The following SRSF1 variants were observed in gnomAD, a reference collection of about 807,000 sequenced individuals.
SRSF1 encodes serine/arginine-rich splicing factor 1.
A neutral mutation model predicts 25.9 loss-of-function variants in SRSF1; 1 was observed. The observed-to-expected ratio is 0.04, with a 90% CI of 0.01 to 0.18. The LOEUF is 0.18. Ranked by LOEUF, SRSF1 falls within the 10% of genes least tolerant of loss-of-function variation. The pLI is 1.00. For synonymous variants in SRSF1, 132 were observed against 126.2 expected, an observed-to-expected ratio of 1.05 and a Z score of -0.31; for missense variants, 65 against 350.5, an observed-to-expected ratio of 0.19 and a Z score of 6.50.
the SRSF1 span, chr17:57,991,156 GC>G: frequency 6.6e-6 from 1 of 152,164 alleles, no homozygotes; most frequent in African/African-American, 2.4e-5. Flanking sequence ...CCTTCAAAGA[GC>G]CCTAAGGTAA....
In SRSF1 at chr17:58,007,230, G is replaced by A. The variant is rs1240290768; in HGVS notation, c.-93C>T. On this transcript the variant is annotated 5_prime_UTR_variant, in exon 1 of 4. Transcript: ENST00000258962. ...CCCGCAGCGGCACCACGTCTCCCGC[G>A]GCCCCTCCAAAATGGCGCCTTTATC... is the stretch of plus-strand genomic sequence containing the variant. The A allele has an allele frequency of 6.1e-6, 9 of 1,474,286 alleles. No individual in the cohort carries two copies. Among genetic ancestry groups the A allele is most frequent in the Middle Eastern group, 1.8e-4 (1 of 5,484 alleles). The allele number at this position is 1,474,286 out of a possible 1,614,324, so 91.3% of individuals were successfully genotyped here. A position where few individuals can be genotyped will look rare whatever the true frequency, so the allele number is the denominator to read the frequency against.
In SRSF1 at chr17:58,004,769, G is replaced by A. The variant is rs1013167168; in HGVS notation, c.*637C>T. On this transcript the variant is annotated 3_prime_UTR_variant, in exon 4 of 4. Transcript: ENST00000258962. ...ATATAATTTTGCCACAATTGCCAAG[G>A]TTTAAAAAGCAAAGCAATTGTAGCT... 2.6e-6 allele frequency: 1 copy of A among 390,990 alleles called. No individual in the cohort carries two copies. Among genetic ancestry groups the A allele is most frequent in the Non-Finnish European group, 4.5e-6 (1 of 221,538 alleles). 24.2% of individuals were successfully genotyped at this position (390,990 alleles called of 1,614,324 possible).
Position 58,002,919 on chromosome 17 carries a change from A to T in SRSF1, c.*2487T>A, listed in dbSNP as rs2075401901. Among the ~76,000 whole-genome samples, 1 of 152,208 alleles carries T rather than the reference A, an allele frequency of 6.6e-6. No homozygotes were observed. Among genetic ancestry groups the T allele is most frequent in the Non-Finnish European group, 1.5e-5 (1 of 68,026 alleles). On this transcript the variant is annotated 3_prime_UTR_variant, in exon 4 of 4. Transcript: ENST00000258962. ...TCTCAGCTACTTGGGAGACTGAGGCACGAGAATCACTCAAATCCAGGGGTG... is the reference window on the plus strand; with the variant it reads ...TCTCAGCTACTTGGGAGACTGAGGCTCGAGAATCACTCAAATCCAGGGGTG...
chr17:57,996,646 T>C (rs962269339), downstream of SRSF1, among the ~76,000 whole-genome samples: 2 of 152,050 alleles, frequency 1.3e-5, no homozygotes, highest in Admixed American at 6.5e-5. Flanking sequence ...AACAACGCAA[T>C]TAGTTCAAGA....
intron 2 of SRSF1, 122 bp downstream of exon 2, chr17:58,006,220 CA>C: frequency 7.7e-7 from 1 of 1,292,684 alleles, no homozygotes; most frequent in Non-Finnish European, 1.1e-6. Flanking sequence ...TAAATTCACC[CA>C]AAAACTAAAG....
the SRSF1 span, chr17:57,989,631 T>C: frequency 1.0e-5 from 4 of 398,540 alleles, no homozygotes; most frequent in Non-Finnish European, 1.3e-5. Context: ...CCTCCCATTC[T>C]TTCCTCCCCT....
At chr17:57,998,987 A>C (rs542866358), downstream of SRSF1, among the ~76,000 whole-genome samples, 1 of 152,226 alleles carries the variant, frequency 6.6e-6, no homozygotes, top group Non-Finnish European at 1.5e-5. Flanking sequence ...TTTTTATAAA[A>C]GAAACCTGGG....
intron 2 of SRSF1, 165 bp from the exon 3 acceptor site, chr17:58,006,138 A>G: frequency 2.1e-6 from 2 of 957,288 alleles, no homozygotes; most frequent in Non-Finnish European, 3.1e-6. Flanking sequence ...GTCCAAAATT[A>G]TTTGTAACGA....
chr17:57,995,267 A>G, the SRSF1 span, among the ~76,000 whole-genome samples: 4 of 152,252 alleles, frequency 2.6e-5, no homozygotes, highest in African/African-American at 4.8e-5. Flanking sequence ...ATACTCAGCT[A>G]TCAACACAAA....
chr17:58,005,522 T>TACGGCTTCC lies in SRSF1; in HGVS notation c.630_631insGGAAGCCGT (p.Arg210_Ser211insGlySerArg). 6.2e-7 allele frequency: 1 copy of TACGGCTTCC among 1,614,224 alleles called. No individual in the cohort carries two copies. Among genetic ancestry groups the TACGGCTTCC allele is most frequent in the Non-Finnish European group, 8.5e-7 (1 of 1,180,038 alleles). ...CTTCTGCTACGGCTTCTGCTACGAC[T>TACGGCTTCC]ACGGCTTCGAGATCGAGATCTTCCA... On this transcript the variant is annotated inframe_insertion, in exon 4 of 4. Transcript: ENST00000258962. The surrounding 1 kb of genome is among the most constrained non-coding windows in gnomAD (Gnocchi z 5.2).
chr17:58,007,232 C>T lies in SRSF1; in HGVS notation c.-95G>A. 1 of 1,464,510 alleles carries T rather than the reference C, an allele frequency of 6.8e-7. No homozygotes were observed. The highest frequency in any genetic ancestry group is 9.3e-7 in the Non-Finnish European group (1 of 1,073,400). 90.7% of individuals were successfully genotyped at this position (1,464,510 alleles called of 1,614,324 possible). A position where few individuals can be genotyped will look rare whatever the true frequency, so the allele number is the denominator to read the frequency against. On this transcript the variant is annotated 5_prime_UTR_variant, in exon 1 of 4. Transcript: ENST00000258962. ...CGCAGCGGCACCACGTCTCCCGCGGCCCCTCCAAAATGGCGCCTTTATCAG... is the reference window on the plus strand; with the variant it reads ...CGCAGCGGCACCACGTCTCCCGCGGTCCCTCCAAAATGGCGCCTTTATCAG...
the SRSF1 span, chr17:57,990,838 C>T: frequency 1.3e-5 from 2 of 152,222 alleles, no homozygotes; most frequent in African/African-American, 4.8e-5. Flanking sequence ...TCAGGTTCCT[C>T]TCTCCTCCTC....
the SRSF1 span, chr17:57,993,520 C>T: frequency 6.6e-6 from 1 of 152,242 alleles, no homozygotes; most frequent in Admixed American, 6.5e-5. Flanking sequence ...AGCATCTACT[C>T]TTTAAGCTGT....
chr17:58,005,757 T>C lies in SRSF1; in HGVS notation c.552+44A>G, dbSNP rs139520996. The C allele has an allele frequency of 8.5e-5, 137 of 1,614,186 alleles. 4 individuals carry two copies. In the East Asian group the frequency reaches 1.5e-3, roughly 18 times the overall value. On this transcript the variant is annotated intron_variant, in intron 3 of 3. Transcript: ENST00000258962. The surrounding 1 kb of genome is among the most constrained non-coding windows in gnomAD (Gnocchi z 5.2). ...CTTGAAATTCCACTGTTAAGACCACTGTATCCAATTCTGGTCAAAGAAAAG... is the reference window on the plus strand; with the variant it reads ...CTTGAAATTCCACTGTTAAGACCACCGTATCCAATTCTGGTCAAAGAAAAG...
At position 58,000,997 on chromosome 17, in the gene SRSF1, G is replaced by GAT. The variant is rs938498839; in HGVS notation, c.*4407_*4408dup. On this transcript the variant is annotated 3_prime_UTR_variant, in exon 4 of 4. Coordinates refer to ENST00000258962, the MANE Select transcript of SRSF1 (RefSeq NM_006924.5). ...CGTAGTTTTTGGATTTCAAAAAATGGATAAGAGACTGTAATCTGTTTTCTG... is the reference window on the plus strand; with the variant it reads ...CGTAGTTTTTGGATTTCAAAAAATGGATATAAGAGACTGTAATCTGTTTTCTG... 6.6e-6 allele frequency among the ~76,000 whole-genome samples: 1 copy of GAT among 152,130 alleles called. No individual in the cohort carries two copies. The highest frequency in any genetic ancestry group is 2.4e-5 in the African/African-American group (1 of 41,430).
At chr17:57,999,121 A>C (rs1454319996), downstream of SRSF1, among the ~76,000 whole-genome samples, 1 of 152,216 alleles carries the variant, frequency 6.6e-6, no homozygotes, top group Non-Finnish European at 1.5e-5. Context: ...CTGCTACTTA[A>C]GTGAGGCCTA....
In SRSF1 at chr17:58,003,078, A is replaced by G. The variant is rs2143471996; in HGVS notation, c.*2328T>C. On this transcript the variant is annotated 3_prime_UTR_variant, in exon 4 of 4. Transcript: ENST00000258962. ...CATTTAATACTTACCTTTTTTTGAG[A>G]TGAGTTTCATTGAGAATATCAAAAG... is the stretch of plus-strand genomic sequence containing the variant. Among the ~76,000 whole-genome samples the G allele has an allele frequency of 1.3e-5, 2 of 152,276 alleles. No individual in the cohort carries two copies. The highest frequency in any genetic ancestry group is 3.4e-3 in the Middle Eastern group (1 of 294).
intron 1 of SRSF1, 141 bp downstream of exon 1, chr17:58,006,803 T>G: frequency 9.2e-7 from 1 of 1,089,280 alleles, no homozygotes. Context: ...AGCTCCTTAC[T>G]CGACTCCTGC....
chr17:57,989,692 G>A, the SRSF1 span: 2 of 398,518 alleles, frequency 5.0e-6, no homozygotes, highest in African/African-American at 4.1e-5. Context: ...TCCTTTTAGA[G>A]CTGATTCCCC....
Sources: allele counts gnomAD v4.1 joint callset (sites outside exome capture counted in the v4.1 genomes callset), GRCh38; gene constraint gnomAD v4.1.1; non-coding constraint Gnocchi (gnomAD v3.1); transcripts MANE v1.5; gene names NCBI Gene and HGNC (gene_info 2026-07-23, HGNC 2026-07-21).